Variants in SLIT2 observed in about 807,000 individuals in gnomAD.
SLIT2 encodes the protein slit homolog 2 protein.
A neutral mutation model predicts 185.7 loss-of-function variants in SLIT2; 41 were observed. The ratio of observed to expected loss-of-function variants is 0.22; its 90% confidence interval spans 0.17 to 0.29. The LOEUF (loss-of-function observed/expected upper bound fraction) is 0.29. SLIT2 is among the 10% of genes least tolerant of loss of function. SLIT2 has a pLI of 1.00. For missense variants in SLIT2, 1,571 were observed against 1,909.0 expected, an observed-to-expected ratio of 0.82 and a Z score of 3.30; for synonymous variants, 693 against 680.2, an observed-to-expected ratio of 1.02 and a Z score of -0.29.
intron 4 of SLIT2, among the ~76,000 whole-genome samples, chr4:20,385,887 C>G (rs1482680740): frequency 6.6e-6 from 1 of 152,134 alleles, no homozygotes; most frequent in Non-Finnish European, 1.5e-5. Context: ...TTGCTTATTA[C>G]TGTTTTTCTA....
At chr4:20,277,756 C>A (rs1238946069) in intron 4 of SLIT2, among the ~76,000 whole-genome samples, 1 of 145,470 alleles carries the variant, frequency 6.9e-6, no homozygotes, top group African/African-American at 2.5e-5. Flanking sequence ...TAGCTATATC[C>A]AAATTAATAT....
intron 4 of SLIT2, among the ~76,000 whole-genome samples, chr4:20,330,612 T>G (rs1470311228): frequency 6.6e-6 from 1 of 152,062 alleles, no homozygotes; most frequent in African/African-American, 2.4e-5. Context: ...AATTACATAC[T>G]CTCAGAAGAT....
intron 4 of SLIT2, among the ~76,000 whole-genome samples, chr4:20,459,788 T>C (rs1214999701): frequency 1.3e-5 from 2 of 152,114 alleles, no homozygotes; most frequent in Non-Finnish European, 1.5e-5. Context: ...TTGTTACTTA[T>C]CAGGCCTCAA....
intron 4 of SLIT2, among the ~76,000 whole-genome samples, chr4:20,381,965 A>G (rs1471191635): frequency 6.6e-6 from 1 of 151,836 alleles, no homozygotes; most frequent in Non-Finnish European, 1.5e-5. Context: ...ATTTATTTAT[A>G]CATAAATACA....
At chr4:20,556,998 GC>G (rs1724316722) in intron 26 of SLIT2, among the ~76,000 whole-genome samples, 1 of 152,032 alleles carries the variant, frequency 6.6e-6, no homozygotes. Flanking sequence ...CTAACCTAAA[GC>G]AAGGCCCCAA....
intron 4 of SLIT2, among the ~76,000 whole-genome samples, chr4:20,329,489 A>G (rs1719885053): frequency 6.6e-6 from 1 of 152,092 alleles, no homozygotes; most frequent in South Asian, 2.1e-4. Context: ...AGAGAAGATC[A>G]ATGTATGTAT....
chr4:20,591,950 A>G (rs562274779), intron 30 of SLIT2, among the ~76,000 whole-genome samples: 2 of 152,216 alleles, frequency 1.3e-5, no homozygotes, highest in Admixed American at 1.3e-4. Flanking sequence ...ATTTTGCTGC[A>G]TTATGGACTA....
At chr4:20,523,977 A>T (rs1721062576) in intron 13 of SLIT2, 37 bp from the exon 14 acceptor site, 2 of 1,613,020 alleles carry the variant, frequency 1.2e-6, no homozygotes, top group Non-Finnish European at 1.7e-6. Context: ...GTCCATTGCA[A>T]GTCATCTATA....
At chr4:20,491,697 TTGTC>T in intron 8 of SLIT2, 60 bp from the exon 9 acceptor site, 1 of 1,413,194 alleles carries the variant, frequency 7.1e-7, no homozygotes, top group Non-Finnish European at 9.8e-7. Context: ...TGAGCTAAGT[TTGTC>T]TGTTTCACAA....
intron 4 of SLIT2, among the ~76,000 whole-genome samples, chr4:20,410,717 A>G (rs761269243): frequency 3.6e-4 from 55 of 152,214 alleles, no homozygotes; most frequent in Admixed American, 7.2e-4. Context: ...GTTAAAGATC[A>G]GATGGTTGTA....
chr4:20,472,256 A>ATGCAGTAAAGCCTTTGCTGTCT lies in SLIT2; in HGVS notation c.467+4434_467+4435insGCAGTAAAGCCTTTGCTGTCTT, dbSNP rs1217834075. Among the ~76,000 whole-genome samples, 8 of 22,768 alleles carry ATGCAGTAAAGCCTTTGCTGTCT rather than the reference A, an allele frequency of 3.5e-4. No individual in the cohort carries two copies. In the East Asian group the frequency reaches 4.9e-3, roughly 14 times the overall value. The allele number at this position is 22,768 out of a possible 152,430, so 14.9% of individuals were successfully genotyped here. A position where few individuals can be genotyped will look rare whatever the true frequency, so the allele number is the denominator to read the frequency against. On this transcript the variant is annotated intron_variant, in intron 5 of 36. Coordinates refer to ENST00000504154, the MANE Select transcript of SLIT2 (RefSeq NM_004787.4). The stretch of plus-strand genomic sequence containing the variant: ...TATAGATCTATATATCTATATATAG[A>ATGCAGTAAAGCCTTTGCTGTCT]TCTATATATAGATATATATCTATAT...
intron 4 of SLIT2, among the ~76,000 whole-genome samples, chr4:20,289,763 G>A (rs1025534677): frequency 6.6e-6 from 1 of 152,180 alleles, no homozygotes; most frequent in African/African-American, 2.4e-5. Context: ...CTCAATCAGT[G>A]TTTTCTGAAG....
chr4:20,326,969 T>C lies in SLIT2; in HGVS notation c.395+58088T>C, dbSNP rs564597640. 8.6e-5 allele frequency among the ~76,000 whole-genome samples: 13 copies of C among 152,036 alleles called. No individual in the cohort carries two copies. In the South Asian group the frequency reaches 2.7e-3, roughly 32 times the overall value. On this transcript the variant is annotated intron_variant, in intron 4 of 36. Transcript: ENST00000504154. ...AACATTTTATTAGGAAATAACAAGA[T>C]AATTATTTTTGTAAAATTTAAATTT...
intron 7 of SLIT2, among the ~76,000 whole-genome samples, 186 bp downstream of exon 7, chr4:20,486,457 T>C (rs376201289): frequency 6.6e-6 from 1 of 152,148 alleles, no homozygotes; most frequent in East Asian, 1.9e-4. Flanking sequence ...GAAAGATTTC[T>C]TTTAACTGAT....
At chr4:20,567,683 T>A in intron 28 of SLIT2, 68 bp downstream of exon 28, 3 of 1,223,246 alleles carry the variant, frequency 2.5e-6, no homozygotes, top group Non-Finnish European at 3.6e-6. Context: ...CCAACATACA[T>A]TTTCCTTTTC....
intron 4 of SLIT2, among the ~76,000 whole-genome samples, chr4:20,315,672 CT>C (rs1365516287): frequency 6.6e-6 from 1 of 151,886 alleles, no homozygotes; most frequent in African/African-American, 2.4e-5. Flanking sequence ...AAATTTCAAG[CT>C]GTTAAAAATG....
intron 4 of SLIT2, among the ~76,000 whole-genome samples, chr4:20,414,039 T>C (rs1479605129): frequency 6.6e-6 from 1 of 152,160 alleles, no homozygotes; most frequent in Non-Finnish European, 1.5e-5. Context: ...TGTTTTTCTC[T>C]CTTATTGCTT....
chr4:20,344,013 G>A (rs895771153), intron 4 of SLIT2, among the ~76,000 whole-genome samples: 3 of 151,952 alleles, frequency 2.0e-5, no homozygotes, highest in Non-Finnish European at 4.4e-5. Context: ...ACCACACCCG[G>A]CTAATGTTTT....
chr4:20,604,501 C>A (rs916578748), intron 33 of SLIT2, among the ~76,000 whole-genome samples: 1 of 151,288 alleles, frequency 6.6e-6, no homozygotes, highest in African/African-American at 2.4e-5. Context: ...AGGCGCTCAC[C>A]CCTACGCCTA....
Sources: allele counts gnomAD v4.1 joint callset (sites outside exome capture counted in the v4.1 genomes callset), GRCh38; gene constraint gnomAD v4.1.1; transcripts MANE v1.5; gene names NCBI Gene and HGNC (gene_info 2026-07-23, HGNC 2026-07-21).